Variants in CDH2 observed in about 807,000 individuals in gnomAD.
The protein encoded by CDH2 is cadherin 2.
A neutral mutation model predicts 92.0 loss-of-function variants in CDH2; 17 were observed. The observed-to-expected ratio is 0.18, with a 90% CI of 0.13 to 0.28. The LOEUF (loss-of-function observed/expected upper bound fraction) is 0.28, where lower values mean the gene tolerates loss of function less well. Among genes scored for constraint, CDH2 ranks in the 10% least tolerant of loss-of-function variants. The pLI is 1.00. For synonymous variants in CDH2, 419 were observed against 415.9 expected (o/e 1.01, Z -0.09); for missense variants, 862 against 1,133.1 (o/e 0.76, Z 3.44).
At chr18:27,996,427 T>A (rs1156690069) in intron 7 of CDH2, among the ~76,000 whole-genome samples, 1 of 152,160 alleles carries the variant, frequency 6.6e-6, no homozygotes, top group Non-Finnish European at 1.5e-5. Context: ...AATGTCATAG[T>A]GTCCTGGCTG....
chr18:28,052,538 G>A (rs966268043), intron 2 of CDH2, among the ~76,000 whole-genome samples: 2 of 152,000 alleles, frequency 1.3e-5, no homozygotes, highest in East Asian at 1.9e-4. Flanking sequence ...TTTCAAAGAC[G>A]GCAAAGAAGT....
At chr18:28,107,968 C>T (rs1473509188) in intron 2 of CDH2, among the ~76,000 whole-genome samples, 1 of 152,168 alleles carries the variant, frequency 6.6e-6, no homozygotes, top group African/African-American at 2.4e-5. Context: ...TGAGATTTAT[C>T]TTCAAAGAAC....
intron 15 of CDH2, among the ~76,000 whole-genome samples, chr18:27,962,308 G>A (rs992372897): frequency 1.3e-5 from 2 of 152,128 alleles, no homozygotes; most frequent in Non-Finnish European, 2.9e-5. Context: ...GAATACATAT[G>A]TTCAGAAAGG....
intron 2 of CDH2, among the ~76,000 whole-genome samples, chr18:28,016,291 T>C (rs1360390895): frequency 6.6e-6 from 1 of 152,208 alleles, no homozygotes; most frequent in African/African-American, 2.4e-5. Context: ...ATTGCTTCTT[T>C]TGTTTCTTAG....
At chr18:28,029,520 G>A (rs2013640840) in intron 2 of CDH2, among the ~76,000 whole-genome samples, 1 of 151,680 alleles carries the variant, frequency 6.6e-6, no homozygotes, top group South Asian at 2.1e-4. Flanking sequence ...ACTTACCTAT[G>A]TGAACACACC....
intron 7 of CDH2, among the ~76,000 whole-genome samples, chr18:27,998,978 C>T (rs2012676992): frequency 1.3e-5 from 2 of 152,186 alleles, no homozygotes; most frequent in South Asian, 2.1e-4. Context: ...CAAGGAATAT[C>T]TGCCCCACTG....
intron 2 of CDH2, among the ~76,000 whole-genome samples, chr18:28,079,154 C>T (rs1402947656): frequency 6.6e-6 from 1 of 152,184 alleles, no homozygotes; most frequent in Non-Finnish European, 1.5e-5. Context: ...CTATGCTTAT[C>T]ATCATTTCTC....
At chr18:28,128,485 G>C (rs1466834964) in intron 2 of CDH2, among the ~76,000 whole-genome samples, 1 of 152,042 alleles carries the variant, frequency 6.6e-6, no homozygotes, top group African/African-American at 2.4e-5. Flanking sequence ...AGAAGTTCAA[G>C]ACCAATCTGC....
chr18:28,166,149 CATATAT>C lies in CDH2; in HGVS notation c.60+10808_60+10813del, dbSNP rs35562216. ...CAAAGAGGAGTAATTCAGACACACTCATATATATATATATATATATATATGTCTGTA... is the reference window on the plus strand; with the variant it reads ...CAAAGAGGAGTAATTCAGACACACTCATATATATATATATATATGTCTGTA... On this transcript the variant is annotated intron_variant, in intron 1 of 15. Transcript: ENST00000269141. Among the ~76,000 whole-genome samples, 554 of 59,278 alleles carry C rather than the reference CATATAT, an allele frequency of 9.3e-3. 38 individuals are homozygous for C. The highest frequency in any genetic ancestry group is 0.068 in the Admixed American group (365 of 5,334). The allele number at this position is 59,278 out of a possible 152,430, so 38.9% of individuals were successfully genotyped here. A position where few individuals can be genotyped will look rare whatever the true frequency, so the allele number is the denominator to read the frequency against.
At chr18:27,945,892 A>G (rs988847662) in intron 6 of CDH2, among the ~76,000 whole-genome samples, 1 of 152,250 alleles carries the variant, frequency 6.6e-6, no homozygotes, top group African/African-American at 2.4e-5. Context: ...TTTAAAATGT[A>G]GAAGGAAAAA....
chr18:28,169,521 T>C (rs1490803184), intron 1 of CDH2, among the ~76,000 whole-genome samples: 1 of 152,150 alleles, frequency 6.6e-6, no homozygotes, highest in Admixed American at 6.5e-5. Flanking sequence ...CACCCAAACA[T>C]TAAGTAACAT....
At chr18:28,172,092 TGTG>T (rs1206444950) in intron 1 of CDH2, among the ~76,000 whole-genome samples, 74 of 151,890 alleles carry the variant, frequency 4.9e-4, no homozygotes, top group African/African-American at 1.8e-3. Flanking sequence ...TGTGTGTGTG[TGTG>T]TGTGTGTGCG....
In CDH2 at chr18:28,005,928, A is replaced by G. The variant is rs878882795; in HGVS notation, c.768T>C (p.Asn256=). ...QVENPIDIVI[N]VIDMNDNRPE... is the part of the protein sequence containing the mutation. ...GTCTGTTGTCATTCATGTCAATAAC[A>G]TTGATGACAATGTCAATGGGGTTCT... Residue 256 remains asparagine, a synonymous_variant, in exon 6 of 16, where the codon AAT becomes AAC. Coordinates refer to ENST00000269141, the MANE Select transcript of CDH2 (RefSeq NM_001792.5). 2 of 1,612,028 alleles carry G rather than the reference A, an allele frequency of 1.2e-6. No individual in the cohort carries two copies. Among genetic ancestry groups the G allele is most frequent in the Admixed American group, 1.7e-5 (1 of 60,000 alleles).
Position 27,951,162 on chromosome 18 carries a change from T to TTTC in CDH2, c.*990_*991insGAA, listed in dbSNP as rs1491118757. The TTTC allele has an allele frequency of 5.7e-4, 1 of 1,766 alleles. No homozygotes were observed. Among genetic ancestry groups the TTTC allele is most frequent in the Non-Finnish European group, 0.056 (1 of 18 alleles). The allele number at this position is 1,766 out of a possible 1,614,324, so 0.1% of individuals were successfully genotyped here. ...CAGGCCACCCCTTTCTTTCCTTTCC[T>TTTC]TTTTTTTTTTTTTTGGTACAAATTA... On this transcript the variant is annotated 3_prime_UTR_variant, in exon 16 of 16. Coordinates refer to ENST00000269141, the MANE Select transcript of CDH2 (RefSeq NM_001792.5).
intron 14 of CDH2, among the ~76,000 whole-genome samples, chr18:27,981,130 C>T (rs2012038431): frequency 2.0e-5 from 3 of 152,132 alleles, no homozygotes; most frequent in Admixed American, 1.3e-4. Flanking sequence ...TTTTGGGCAG[C>T]ATCCAGTTAC....
At chr18:28,070,433 C>G (rs568820689) in intron 2 of CDH2, among the ~76,000 whole-genome samples, 1 of 152,302 alleles carries the variant, frequency 6.6e-6, no homozygotes, top group South Asian at 2.1e-4. Context: ...TGGTATGTCA[C>G]TGATTCCAAA....
At chr18:27,977,486 T>C (rs1215590907) in intron 14 of CDH2, among the ~76,000 whole-genome samples, 3 of 152,164 alleles carry the variant, frequency 2.0e-5, no homozygotes, top group African/African-American at 4.8e-5. Context: ...ACAGGTAAGA[T>C]AAGAACTACC....
chr18:28,137,087 T>A (rs1284487449), intron 2 of CDH2, among the ~76,000 whole-genome samples: 5 of 152,156 alleles, frequency 3.3e-5, no homozygotes, highest in African/African-American at 4.8e-5. Context: ...CAGAATAAGG[T>A]AGCAGTCAAT....
chr18:27,980,941 G>A (rs1297212225), intron 14 of CDH2, among the ~76,000 whole-genome samples: 7 of 152,048 alleles, frequency 4.6e-5, no homozygotes, highest in Non-Finnish European at 7.4e-5. Context: ...CAATCTAAGT[G>A]GATAAAGTCA....
Sources: gnomAD v4.1 joint callset for allele counts (sites outside exome capture counted in the v4.1 genomes callset) on GRCh38, gnomAD v4.1.1 for gene constraint, MANE v1.5 for transcripts, NCBI Gene and HGNC (gene_info 2026-07-23, HGNC 2026-07-21) for gene names.